PEAK1: variants seen among roughly 807,000 people sequenced by gnomAD.
The protein encoded by PEAK1 is pseudopodium enriched atypical kinase 1, also known as inactive tyrosine-protein kinase PEAK1.
In PEAK1, 54 loss-of-function variants were observed where a neutral mutation model predicts 124.7. The observed-to-expected ratio is 0.43, with a 90% CI of 0.35 to 0.54. PEAK1 has a LOEUF of 0.54. Among genes scored for constraint, PEAK1 ranks in the 20% least tolerant of loss-of-function variants. PEAK1 has a pLI of 0.01. For missense variants in PEAK1, 2,046 were observed against 2,134.5 expected, an observed-to-expected ratio of 0.96 and a Z score of 0.82; for synonymous variants, 719 against 760.0, an observed-to-expected ratio of 0.95 and a Z score of 0.89.
chr15:77,321,316 C>T lies in PEAK1; in HGVS notation c.-602-34812G>A, dbSNP rs557396661. ...TCCTATTTCTCCACATCCTCTCCAG[C>T]GCCTGTTGTTTCCTGACTTTTTAAT... On this transcript the variant is annotated intron_variant, in intron 2 of 9. Transcript: ENST00000682557. 4.9e-4 allele frequency among the ~76,000 whole-genome samples: 74 copies of T among 152,284 alleles called. 1 individual carries two copies. The East Asian group carries it at 0.012, about 25-fold the overall frequency.
chr15:77,259,272 A>G (rs977912018), intron 5 of PEAK1, among the ~76,000 whole-genome samples: 1 of 152,192 alleles, frequency 6.6e-6, no homozygotes, highest in Non-Finnish European at 1.5e-5. Context: ...CACTCTGGTA[A>G]TGCCATTCCT....
At chr15:77,238,845 T>G (rs958284592) in intron 6 of PEAK1, among the ~76,000 whole-genome samples, 18 of 152,336 alleles carry the variant, frequency 1.2e-4, no homozygotes, top group Non-Finnish European at 2.6e-4. Context: ...GGAGAGGTAG[T>G]TCTACATGTC....
chr15:77,340,751 G>C (rs1355549389), intron 2 of PEAK1, among the ~76,000 whole-genome samples: 4 of 152,064 alleles, frequency 2.6e-5, no homozygotes, highest in Non-Finnish European at 4.4e-5. Flanking sequence ...TCCAGTGTTA[G>C]TGTAGACCCT....
At chr15:77,380,674 T>A (rs1173291635) in intron 1 of PEAK1, among the ~76,000 whole-genome samples, 1 of 152,020 alleles carries the variant, frequency 6.6e-6, no homozygotes, top group Non-Finnish European at 1.5e-5. Context: ...AGATGGGGTT[T>A]CACTGTGTTG....
chr15:77,268,211 AC>A (rs1873936642), intron 5 of PEAK1, among the ~76,000 whole-genome samples: 1 of 152,236 alleles, frequency 6.6e-6, no homozygotes, highest in Non-Finnish European at 1.5e-5. Context: ...ACAGTGGCTC[AC>A]GCCTATAAGC....
intron 5 of PEAK1, among the ~76,000 whole-genome samples, chr15:77,258,569 T>C (rs927424834): frequency 5.3e-5 from 8 of 152,198 alleles, no homozygotes; most frequent in East Asian, 3.8e-4. Flanking sequence ...ATTTTGTACA[T>C]TGATTTTGTA....
At chr15:77,335,139 G>A (rs1339974998) in intron 2 of PEAK1, 1 of 985,422 alleles carries the variant, frequency 1.0e-6, no homozygotes, top group Non-Finnish European at 1.2e-6. Context: ...CCAAGAGAGG[G>A]ATTTAAACAC....
intron 2 of PEAK1, among the ~76,000 whole-genome samples, chr15:77,314,639 A>T (rs1484286473): frequency 6.6e-6 from 1 of 152,138 alleles, no homozygotes; most frequent in Non-Finnish European, 1.5e-5. Context: ...AAGTGCTGAG[A>T]TTACACATGT....
intron 8 of PEAK1, among the ~76,000 whole-genome samples, chr15:77,147,015 G>A (rs1027684829): frequency 6.6e-6 from 1 of 152,176 alleles, no homozygotes; most frequent in Admixed American, 6.5e-5. Flanking sequence ...TTCAGTGTTT[G>A]AAGGATAAAG....
chr15:77,256,092 C>A (rs1417150941), intron 5 of PEAK1, among the ~76,000 whole-genome samples: 1 of 152,048 alleles, frequency 6.6e-6, no homozygotes, highest in Non-Finnish European at 1.5e-5. Flanking sequence ...AGTACCCAGA[C>A]AACTTCATCC....
At position 77,291,976 on chromosome 15, in the gene PEAK1, C is replaced by CA. The variant is rs34817180; in HGVS notation, c.-602-5473dup. Reference sequence around the variant, plus strand: ...TGGGCGACGGAGCAAGACTCCGTCTCAAAAAAAAAAAAAAAAAAGAGTTAT... The same window carrying CA: ...TGGGCGACGGAGCAAGACTCCGTCTCAAAAAAAAAAAAAAAAAAAGAGTTAT... On this transcript the variant is annotated intron_variant, in intron 2 of 9. Coordinates refer to ENST00000682557, the MANE Select transcript of PEAK1 (RefSeq NM_001385026.1). 5.6e-3 allele frequency among the ~76,000 whole-genome samples: 598 copies of CA among 107,570 alleles called. 3 individuals are homozygous for CA. The highest frequency in any genetic ancestry group is 0.02 in the South Asian group (65 of 3,226). The allele number at this position is 107,570 out of a possible 152,430, so 70.6% of individuals were successfully genotyped here. A position where few individuals can be genotyped will look rare whatever the true frequency, so the allele number is the denominator to read the frequency against.
Position 77,181,900 on chromosome 15 carries a change from T to C in PEAK1, c.27A>G (p.Glu9=), listed in dbSNP as rs1402634967. ...TGCATTCACCAGGTTTCCAAACATG[T>C]TCAGTAAAGGTGTTACAAGCAGACA... MSACNTFT[E]HVWKPGECKN... The change falls in exon 7 of 10, where the codon GAA becomes GAG. Residue 9 remains glutamate, a synonymous_variant. Coordinates refer to ENST00000682557, the MANE Select transcript of PEAK1 (RefSeq NM_001385026.1). 1 of 1,590,728 alleles carries C rather than the reference T, an allele frequency of 6.3e-7. No homozygotes were observed. Among genetic ancestry groups the C allele is most frequent in the Non-Finnish European group, 8.6e-7 (1 of 1,166,890 alleles).
chr15:77,128,944 G>C (rs61527624), intron 9 of PEAK1, among the ~76,000 whole-genome samples: 1 of 152,236 alleles, frequency 6.6e-6, no homozygotes, highest in Admixed American at 6.5e-5. Context: ...GGATGGGTTA[G>C]AGGTAGAGTG....
chr15:77,387,991 T>G (rs757712971), intron 1 of PEAK1, among the ~76,000 whole-genome samples: 11 of 152,080 alleles, frequency 7.2e-5, no homozygotes, highest in Non-Finnish European at 1.5e-4. Context: ...CCTGTTGAAG[T>G]GAATGTTAGC....
chr15:77,293,825 G>A (rs965396270), intron 2 of PEAK1, among the ~76,000 whole-genome samples: 1 of 152,124 alleles, frequency 6.6e-6, no homozygotes, highest in Non-Finnish European at 1.5e-5. Context: ...ACAATTAATT[G>A]AAGCTCTGAT....
intron 1 of PEAK1, among the ~76,000 whole-genome samples, chr15:77,413,626 A>G (rs569108343): frequency 2.4e-4 from 36 of 152,364 alleles, no homozygotes; most frequent in African/African-American, 8.4e-4. Context: ...GACAAAGAAG[A>G]CAACTAAAGC....
intron 6 of PEAK1, among the ~76,000 whole-genome samples, chr15:77,194,056 C>T (rs2057987325): frequency 6.6e-6 from 1 of 152,156 alleles, no homozygotes; most frequent in Non-Finnish European, 1.5e-5. Context: ...TACATCTTTC[C>T]TCCAAAACAC....
At chr15:77,188,289 T>G (rs1172868104) in intron 6 of PEAK1, among the ~76,000 whole-genome samples, 2 of 152,154 alleles carry the variant, frequency 1.3e-5, no homozygotes, top group Admixed American at 1.3e-4. Context: ...ACCACAACAG[T>G]TTTTCTAACA....
intron 6 of PEAK1, among the ~76,000 whole-genome samples, chr15:77,240,669 CTT>C (rs1017266252): frequency 6.6e-6 from 1 of 151,854 alleles, no homozygotes; most frequent in African/African-American, 2.4e-5. Context: ...GTTTTAAAAA[CTT>C]TATTGTAAAA....
Sources: gnomAD v4.1 joint callset for allele counts (sites outside exome capture counted in the v4.1 genomes callset) on GRCh38, gnomAD v4.1.1 for gene constraint, MANE v1.5 for transcripts, NCBI Gene and HGNC (gene_info 2026-07-23, HGNC 2026-07-21) for gene names.